Variants in PKNOX2 observed in about 807,000 individuals in gnomAD.
PKNOX2 encodes PBX/knotted 1 homeobox 2.
PKNOX2 carries 14 observed loss-of-function variants against 53.1 expected under a neutral mutation model. That is an observed-to-expected ratio of 0.26 (90% CI 0.17 to 0.41). The LOEUF (loss-of-function observed/expected upper bound fraction) is 0.41. Ranked by LOEUF, PKNOX2 falls within the 10% of genes least tolerant of loss-of-function variation. PKNOX2 has a pLI of 1.00. For missense variants in PKNOX2, 496 were observed against 602.8 expected, an observed-to-expected ratio of 0.82 and a Z score of 1.85; for synonymous variants, 257 against 242.8, an observed-to-expected ratio of 1.06 and a Z score of -0.54.
chr11:125,183,782 G>A (rs1294072540), intron 1 of PKNOX2, among the ~76,000 whole-genome samples: 1 of 152,114 alleles, frequency 6.6e-6, no homozygotes, highest in Non-Finnish European at 1.5e-5. Context: ...AGCCACTACA[G>A]TTGACCTTAC....
intron 5 of PKNOX2, among the ~76,000 whole-genome samples, chr11:125,384,563 A>AGTCCCAGAT (rs1043919233): frequency 6.6e-6 from 1 of 152,196 alleles, no homozygotes; most frequent in African/African-American, 2.4e-5. Flanking sequence ...GGAGGCCTGT[A>AGTCCCAGAT]GTCCCAGATA....
At chr11:125,275,529 G>T (rs1591508821) in intron 2 of PKNOX2, among the ~76,000 whole-genome samples, 1 of 152,298 alleles carries the variant, frequency 6.6e-6, no homozygotes, top group East Asian at 1.9e-4. Context: ...GCTGCTGAGG[G>T]AGTAAAGGGG....
At chr11:125,381,790 A>G (rs1360659753) in intron 5 of PKNOX2, among the ~76,000 whole-genome samples, 2 of 152,208 alleles carry the variant, frequency 1.3e-5, no homozygotes, top group East Asian at 1.9e-4. Flanking sequence ...TTCCAGAAAC[A>G]TGCAAGCTCA....
At chr11:125,236,760 G>A (rs1282638580) in intron 2 of PKNOX2, among the ~76,000 whole-genome samples, 1 of 152,202 alleles carries the variant, frequency 6.6e-6, no homozygotes, top group East Asian at 1.9e-4. Flanking sequence ...CTGCCTTTTG[G>A]AGGGAAAGGA....
chr11:125,181,576 G>A (rs545910803), intron 1 of PKNOX2, among the ~76,000 whole-genome samples: 7 of 152,336 alleles, frequency 4.6e-5, no homozygotes, highest in African/African-American at 1.2e-4. Flanking sequence ...GAACAACGTC[G>A]TTTACCAGCT....
chr11:125,212,918 G>T (rs1940040509), intron 1 of PKNOX2, among the ~76,000 whole-genome samples: 1 of 151,970 alleles, frequency 6.6e-6, no homozygotes, highest in Admixed American at 6.6e-5. Context: ...GACTTCAACG[G>T]GTTCCATGTC....
chr11:125,193,797 G>A (rs1021348242), intron 1 of PKNOX2, among the ~76,000 whole-genome samples: 1 of 152,160 alleles, frequency 6.6e-6, no homozygotes, highest in Non-Finnish European at 1.5e-5. Flanking sequence ...GCAGGCATAG[G>A]AGGTTCAGAG....
Position 125,165,172 on chromosome 11 carries a change from G to A in PKNOX2, c.-201+396G>A, listed in dbSNP as rs1209317743. Among the ~76,000 whole-genome samples, 1 of 149,794 alleles carries A rather than the reference G, an allele frequency of 6.7e-6. No individual in the cohort carries two copies. The highest frequency in any genetic ancestry group is 1.5e-5 in the Non-Finnish European group (1 of 67,358). ...CCGCCGCCGCCGCCGCCGCCGCCTC[G>A]CCGCGCTTGGGCCCGTGGCCGGCCG... On this transcript the variant is annotated intron_variant, in intron 1 of 12. Transcript: ENST00000298282. This position sits in a 1 kb window ranked among gnomAD's most constrained non-coding sequence, Gnocchi z 4.5.
intron 1 of PKNOX2, among the ~76,000 whole-genome samples, chr11:125,171,352 A>G (rs565212553): frequency 8.5e-5 from 13 of 152,346 alleles, no homozygotes; most frequent in Middle Eastern, 3.4e-3. Flanking sequence ...AGACATTGCC[A>G]TGAAGCCTGT....
chr11:125,191,281 A>G (rs933864460), intron 1 of PKNOX2: 2 of 152,230 alleles, frequency 1.3e-5, no homozygotes, highest in Non-Finnish European at 2.9e-5. Context: ...TTCTAAGTCC[A>G]GGACACTCTC....
chr11:125,346,783 G>A (rs1342908501), intron 3 of PKNOX2, among the ~76,000 whole-genome samples: 1 of 143,884 alleles, frequency 7.0e-6, no homozygotes, highest in East Asian at 1.9e-4. Flanking sequence ...GAGGGAAGAA[G>A]GGACAGGAAG....
At chr11:125,308,365 C>T (rs1302656214) in intron 2 of PKNOX2, among the ~76,000 whole-genome samples, 1 of 152,204 alleles carries the variant, frequency 6.6e-6, no homozygotes, top group African/African-American at 2.4e-5. Context: ...TAGGGCTTTC[C>T]TTTCCCACCT....
intron 2 of PKNOX2, among the ~76,000 whole-genome samples, chr11:125,263,503 T>G (rs1591503216): frequency 6.6e-6 from 1 of 152,128 alleles, no homozygotes; most frequent in South Asian, 2.1e-4. Flanking sequence ...CTCTCCGGGG[T>G]CAGCACTGTG....
intron 10 of PKNOX2, among the ~76,000 whole-genome samples, chr11:125,426,556 A>G (rs1187984975): frequency 6.7e-6 from 1 of 150,352 alleles, no homozygotes; most frequent in African/African-American, 2.4e-5. Flanking sequence ...TTCATTCCTC[A>G]GTTCACTACA....
intron 3 of PKNOX2, among the ~76,000 whole-genome samples, chr11:125,342,254 AGGGGCCT>A (rs1161781730): frequency 6.6e-6 from 1 of 152,062 alleles, no homozygotes; most frequent in African/African-American, 2.4e-5. Flanking sequence ...CAGAGAGAAA[AGGGGCCT>A]GGCTGACCCT....
chr11:125,233,706 A>C (rs1942426596), intron 1 of PKNOX2, among the ~76,000 whole-genome samples: 1 of 152,202 alleles, frequency 6.6e-6, no homozygotes, highest in African/African-American at 2.4e-5. Context: ...GTCATCATGA[A>C]CCAGAGAGAA....
chr11:125,206,461 A>G (rs929015017), intron 1 of PKNOX2, among the ~76,000 whole-genome samples: 4 of 152,084 alleles, frequency 2.6e-5, no homozygotes, highest in Admixed American at 2.0e-4. Context: ...AGGAGTGGCA[A>G]GAGATGAGTG....
chr11:125,252,673 A>G (rs1944095758), intron 2 of PKNOX2, among the ~76,000 whole-genome samples: 1 of 152,110 alleles, frequency 6.6e-6, no homozygotes, highest in Non-Finnish European at 1.5e-5. Context: ...AACGAGGACA[A>G]GGTGTGGTAC....
chr11:125,289,592 C>A (rs1379147708), intron 2 of PKNOX2, among the ~76,000 whole-genome samples: 1 of 152,190 alleles, frequency 6.6e-6, no homozygotes, highest in South Asian at 2.1e-4. Flanking sequence ...AGCTTTCAGG[C>A]TCTGGGCCAG....
Sources: allele counts gnomAD v4.1 joint callset (sites outside exome capture counted in the v4.1 genomes callset), GRCh38; gene constraint gnomAD v4.1.1; non-coding constraint Gnocchi (gnomAD v3.1); transcripts MANE v1.5; gene names NCBI Gene and HGNC (gene_info 2026-07-23, HGNC 2026-07-21).